Variants in PPP1R12B observed in about 807,000 individuals in gnomAD.
PPP1R12B encodes the protein myosin phosphatase target subunit 2.
A neutral mutation model predicts 126.1 loss-of-function variants in PPP1R12B; 76 were observed. That is an observed-to-expected ratio of 0.60 (90% CI 0.50 to 0.73). The LOEUF (loss-of-function observed/expected upper bound fraction) is 0.73. Ranked by LOEUF, PPP1R12B falls within the 30% of genes least tolerant of loss-of-function variation. The probability of loss-of-function intolerance (pLI) is 0.00; values close to 1 mark genes in which losing one functional copy is unlikely to be tolerated. For synonymous variants in PPP1R12B, 356 were observed against 434.7 expected (o/e 0.82, Z 2.25); for missense variants, 1,052 against 1,205.1 (o/e 0.87, Z 1.88).
At chr1:202,402,331 C>CT (rs1430052197) in intron 1 of PPP1R12B, among the ~76,000 whole-genome samples, 1 of 152,198 alleles carries the variant, frequency 6.6e-6, no homozygotes, top group Non-Finnish European at 1.5e-5. Context: ...AGAGTGGAAT[C>CT]TAACTCTTCT....
At chr1:202,513,064 C>T (rs1004639614) in intron 18 of PPP1R12B, among the ~76,000 whole-genome samples, 1 of 152,230 alleles carries the variant, frequency 6.6e-6, no homozygotes, top group African/African-American at 2.4e-5. Flanking sequence ...ACCTCCACCT[C>T]TTGGGTTCAA....
chr1:202,494,883 C>T (rs887867129), intron 15 of PPP1R12B, among the ~76,000 whole-genome samples: 1 of 152,124 alleles, frequency 6.6e-6, no homozygotes, highest in African/African-American at 2.4e-5. Context: ...CTACATTCTG[C>T]TTCTTCATGC....
chr1:202,494,771 T>C (rs1181388320), intron 15 of PPP1R12B, among the ~76,000 whole-genome samples: 1 of 151,070 alleles, frequency 6.6e-6, no homozygotes, highest in Non-Finnish European at 1.5e-5. Flanking sequence ...AAAAGGAAAA[T>C]GGGAACTTTA....
intron 1 of PPP1R12B, among the ~76,000 whole-genome samples, chr1:202,396,343 T>C (rs781714876): frequency 3.3e-5 from 5 of 152,174 alleles, no homozygotes; most frequent in African/African-American, 4.8e-5. Flanking sequence ...CTAAAAATGA[T>C]GATGATGATA....
intron 18 of PPP1R12B, among the ~76,000 whole-genome samples, chr1:202,505,172 A>G (rs1176287089): frequency 6.6e-6 from 1 of 152,242 alleles, no homozygotes; most frequent in Non-Finnish European, 1.5e-5. Context: ...AGAAATGAGT[A>G]GAAAGGAAAG....
intron 23 of PPP1R12B, chr1:202,574,796 C>T: frequency 2.0e-6 from 1 of 508,910 alleles, no homozygotes; most frequent in Non-Finnish European, 3.5e-6. Context: ...ACATAGCTCT[C>T]CTTCCCTGTT....
chr1:202,437,996 T>C lies in PPP1R12B; in HGVS notation c.1430T>C (p.Ile477Thr). The C allele has an allele frequency of 4.3e-6, 7 of 1,614,048 alleles. No individual in the cohort carries two copies. The Middle Eastern group carries it at 4.9e-4, about 114-fold the overall frequency. ...TATCGCTCCTCTTCAAGCCCTCGGA[T>C]TTCTGCTCTACTGGACAACAAAGAT... ...SIYRSSSSPR[I>T]SALLDNKDKE... Residue 477 changes from isoleucine to threonine, a missense_variant, in exon 10 of 24, where the codon ATT (isoleucine) becomes ACT (threonine). Coordinates refer to ENST00000608999, the MANE Select transcript of PPP1R12B (RefSeq NM_002481.4).
intron 18 of PPP1R12B, among the ~76,000 whole-genome samples, chr1:202,512,804 C>T (rs1160828996): frequency 6.6e-6 from 1 of 152,130 alleles, no homozygotes; most frequent in East Asian, 1.9e-4. Context: ...TCTCCCTACT[C>T]CACTTTTTAA....
chr1:202,575,832 G>T (rs559240589), intron 23 of PPP1R12B: 26 of 152,266 alleles, frequency 1.7e-4, no homozygotes, highest in African/African-American at 6.3e-4. Context: ...CAGCCCTTTG[G>T]ATACCAGACA....
intron 1 of PPP1R12B, among the ~76,000 whole-genome samples, chr1:202,390,063 A>G (rs1388952029): frequency 6.6e-6 from 1 of 152,224 alleles, no homozygotes; most frequent in African/African-American, 2.4e-5. Context: ...GGTAACCAAG[A>G]CAGTGTGGTA....
chr1:202,401,361 ATTTTTTTTTTTTTTTTT>A (rs34810265), intron 1 of PPP1R12B, among the ~76,000 whole-genome samples: 5 of 71,426 alleles, frequency 7.0e-5, no homozygotes, highest in Non-Finnish European at 1.2e-4. Context: ...GGCTAATTTA[ATTTTTTTTTTTTTTTTT>A]TTTTTTTTTT....
chr1:202,432,845 A>G (rs893621392), intron 8 of PPP1R12B, among the ~76,000 whole-genome samples: 3 of 152,234 alleles, frequency 2.0e-5, no homozygotes, highest in African/African-American at 4.8e-5. Flanking sequence ...GAACTCTGCC[A>G]TGGCTGGCCT....
intron 1 of PPP1R12B, among the ~76,000 whole-genome samples, chr1:202,405,123 G>A (rs1302168692): frequency 6.6e-6 from 1 of 152,020 alleles, no homozygotes; most frequent in Non-Finnish European, 1.5e-5. Context: ...TTGGTAATGT[G>A]AGTCAGTGTC....
intron 3 of PPP1R12B, among the ~76,000 whole-genome samples, chr1:202,425,255 A>C (rs1232872940): frequency 6.6e-6 from 1 of 152,214 alleles, no homozygotes; most frequent in Non-Finnish European, 1.5e-5. Context: ...TTGGAAGTTT[A>C]TAGCTTTGTA....
intron 13 of PPP1R12B, among the ~76,000 whole-genome samples, chr1:202,456,137 T>C (rs1673600265): frequency 6.6e-6 from 1 of 151,764 alleles, no homozygotes; most frequent in Non-Finnish European, 1.5e-5. Flanking sequence ...GGAGTGGTGA[T>C]GCACGCCTGT....
At chr1:202,529,976 G>T (rs908967623) in intron 18 of PPP1R12B, among the ~76,000 whole-genome samples, 6 of 151,970 alleles carry the variant, frequency 3.9e-5, no homozygotes, top group Non-Finnish European at 7.4e-5. Flanking sequence ...ACTCTTAACT[G>T]TACTAAATAT....
chr1:202,526,232 G>A (rs555264547), intron 18 of PPP1R12B, among the ~76,000 whole-genome samples: 33 of 152,312 alleles, frequency 2.2e-4, no homozygotes, highest in African/African-American at 7.2e-4. Context: ...ATAGTTTGTG[G>A]AAGTTCTTTT....
In PPP1R12B at chr1:202,416,876, C is replaced by A. The variant is rs1668143942; in HGVS notation, c.381C>A (p.Pro127=). ...VNQQDNEGWT[P]LHAAASCGYL... is the part of the protein sequence containing the mutation. ...AGCAAGACAACGAGGGCTGGACACC[C>A]CTTCATGCAGCAGCTTCCTGTGGCT... The change falls in exon 2 of 24, where the codon CCC becomes CCA. Residue 127 remains proline, a synonymous_variant. Coordinates refer to ENST00000608999, the MANE Select transcript of PPP1R12B (RefSeq NM_002481.4). 1.9e-6 allele frequency: 3 copies of A among 1,613,838 alleles called. No homozygotes were observed. Among genetic ancestry groups the A allele is most frequent in the South Asian group, 1.1e-5 (1 of 91,070 alleles).
chr1:202,473,070 A>G (rs1676148933), intron 13 of PPP1R12B, among the ~76,000 whole-genome samples: 1 of 152,222 alleles, frequency 6.6e-6, no homozygotes, highest in South Asian at 2.1e-4. Flanking sequence ...AGATTTAAGA[A>G]ATGCTTAGTT....
Sources: allele counts gnomAD v4.1 joint callset (sites outside exome capture counted in the v4.1 genomes callset), GRCh38; gene constraint gnomAD v4.1.1; transcripts MANE v1.5; gene names NCBI Gene and HGNC (gene_info 2026-07-23, HGNC 2026-07-21).